The following BMPR1B variants were observed in gnomAD, a reference collection of about 807,000 sequenced individuals.
BMPR1B encodes bone morphogenetic protein receptor type 1B.
A neutral mutation model predicts 59.1 loss-of-function variants in BMPR1B; 12 were observed. That is an observed-to-expected ratio of 0.20 (90% CI 0.13 to 0.33). The LOEUF (loss-of-function observed/expected upper bound fraction) is 0.33, where lower values mean the gene tolerates loss of function less well. Among genes scored for constraint, BMPR1B ranks in the 10% least tolerant of loss-of-function variants. BMPR1B has a pLI of 1.00. For missense variants in BMPR1B, 550 were observed against 610.9 expected (o/e 0.90, Z 1.05); for synonymous variants, 237 against 207.3 (o/e 1.14, Z -1.23).
Position 95,104,393 on chromosome 4 carries a change from T to C in BMPR1B, c.-17-15T>C, listed in dbSNP as rs758376344. 8 of 1,612,486 alleles carry C rather than the reference T, an allele frequency of 5.0e-6. No homozygotes were observed. The Admixed American group carries it at 1.3e-4, about 27-fold the overall frequency. ...TACCCCACAGATGCCTAACTCTCAC[T>C]ATTTCTTCTTTCAGCAAACTTCCTT... On this transcript the variant is annotated splice_polypyrimidine_tract_variant and intron_variant, in intron 3 of 12. Transcript: ENST00000515059.
At chr4:94,853,745 C>T (rs562753212) in intron 1 of BMPR1B, among the ~76,000 whole-genome samples, 2 of 152,080 alleles carry the variant, frequency 1.3e-5, no homozygotes, top group African/African-American at 4.8e-5. Context: ...TCACACCTCA[C>T]CCTCCATTTC....
At chr4:94,840,960 T>G (rs13136125) in intron 1 of BMPR1B, among the ~76,000 whole-genome samples, 23,148 of 145,634 alleles carry the variant, frequency 0.16, 3,775 homozygotes, top group Non-Finnish European at 0.2. Context: ...GTCCTTTCTG[T>G]TTGTTAGTTT....
At chr4:95,145,866 C>G (rs928839088) in intron 10 of BMPR1B, among the ~76,000 whole-genome samples, 1 of 152,220 alleles carries the variant, frequency 6.6e-6, no homozygotes, top group Non-Finnish European at 1.5e-5. Flanking sequence ...CAACAAAATT[C>G]TATTTATCCT....
chr4:95,065,779 A>C (rs543766458), intron 3 of BMPR1B, among the ~76,000 whole-genome samples: 9 of 152,112 alleles, frequency 5.9e-5, no homozygotes, highest in African/African-American at 1.9e-4. Flanking sequence ...TATCTTCTAC[A>C]AGAAAATATG....
chr4:95,106,148 G>A (rs1731186423), intron 4 of BMPR1B, among the ~76,000 whole-genome samples: 2 of 151,966 alleles, frequency 1.3e-5, no homozygotes, highest in South Asian at 4.2e-4. Flanking sequence ...GTAGGATCAG[G>A]GAGTAGGAAC....
intron 3 of BMPR1B, among the ~76,000 whole-genome samples, chr4:95,064,565 T>G: frequency 6.6e-6 from 1 of 152,168 alleles, no homozygotes; most frequent in East Asian, 1.9e-4. Flanking sequence ...ACTGCTGTTT[T>G]AGAGCACGTC....
chr4:94,857,118 T>A (rs73836127), intron 1 of BMPR1B, among the ~76,000 whole-genome samples: 6,818 of 151,150 alleles, frequency 0.045, 365 homozygotes, highest in African/African-American at 0.13. Context: ...AAGAATGAGA[T>A]AAAAAAGTAT....
intron 1 of BMPR1B, among the ~76,000 whole-genome samples, chr4:94,802,507 G>C (rs552139977): frequency 7.2e-5 from 11 of 152,324 alleles, no homozygotes; most frequent in African/African-American, 2.6e-4. Flanking sequence ...GCGTTGTGGT[G>C]AATGTGGCAT....
At chr4:94,914,601 G>A (rs1003333738) in intron 2 of BMPR1B, among the ~76,000 whole-genome samples, 5 of 152,062 alleles carry the variant, frequency 3.3e-5, no homozygotes, top group Non-Finnish European at 4.4e-5. Flanking sequence ...TGAACTTAAG[G>A]TTCTAATGAA....
At chr4:95,078,966 C>G (rs541677780) in intron 3 of BMPR1B, among the ~76,000 whole-genome samples, 36 of 152,140 alleles carry the variant, frequency 2.4e-4, no homozygotes, top group Non-Finnish European at 4.1e-4. Context: ...ACCATGTTGC[C>G]CAGGATGGTC....
At chr4:94,811,720 A>G (rs1176360184) in intron 1 of BMPR1B, among the ~76,000 whole-genome samples, 9 of 152,164 alleles carry the variant, frequency 5.9e-5, no homozygotes, top group Admixed American at 5.9e-4. Context: ...CTCAAATGCC[A>G]GGGAGGGAAC....
At chr4:95,069,236 A>G (rs909021419) in intron 3 of BMPR1B, among the ~76,000 whole-genome samples, 1 of 152,108 alleles carries the variant, frequency 6.6e-6, no homozygotes, top group Non-Finnish European at 1.5e-5. Flanking sequence ...TATAACAACA[A>G]TCTCCTGACT....
intron 3 of BMPR1B, among the ~76,000 whole-genome samples, chr4:95,068,891 T>A (rs1367956056): frequency 6.6e-6 from 1 of 152,196 alleles, no homozygotes; most frequent in Non-Finnish European, 1.5e-5. Flanking sequence ...TCACTTAATG[T>A]TGTTGATAGG....
chr4:94,881,680 G>T, intron 2 of BMPR1B, among the ~76,000 whole-genome samples: 1 of 151,984 alleles, frequency 6.6e-6, no homozygotes, highest in South Asian at 2.1e-4. Context: ...TGGCCAGGCT[G>T]GTCTCGGACT....
intron 12 of BMPR1B, among the ~76,000 whole-genome samples, chr4:95,154,196 A>G (rs1735251759): frequency 6.6e-6 from 1 of 152,242 alleles, no homozygotes; most frequent in Non-Finnish European, 1.5e-5. Flanking sequence ...TTTGCATAGT[A>G]TGGAATTAGA....
At chr4:95,055,102 G>C (rs888889624) in intron 3 of BMPR1B, among the ~76,000 whole-genome samples, 1 of 152,092 alleles carries the variant, frequency 6.6e-6, no homozygotes, top group Admixed American at 6.6e-5. Flanking sequence ...TGTGAATACA[G>C]GAAAATCCTC....
At chr4:94,910,053 A>G (rs1281101751) in intron 2 of BMPR1B, among the ~76,000 whole-genome samples, 4 of 151,968 alleles carry the variant, frequency 2.6e-5, no homozygotes, top group African/African-American at 9.7e-5. Context: ...TCCAAAAAAA[A>G]CAAAAAAAAA....
At chr4:94,985,177 AC>A (rs1721319990) in intron 2 of BMPR1B, among the ~76,000 whole-genome samples, 1 of 151,944 alleles carries the variant, frequency 6.6e-6, no homozygotes, top group Non-Finnish European at 1.5e-5. Context: ...AGAAGTTTGA[AC>A]CCTCTGTTGC....
At chr4:95,143,484 T>G (rs1341740471) in intron 10 of BMPR1B, among the ~76,000 whole-genome samples, 1 of 152,126 alleles carries the variant, frequency 6.6e-6, no homozygotes, top group East Asian at 1.9e-4. Flanking sequence ...TTTGCTCCCC[T>G]TCCCTACCCT....
Sources: gnomAD v4.1 joint callset for allele counts (sites outside exome capture counted in the v4.1 genomes callset) on GRCh38, gnomAD v4.1.1 for gene constraint, MANE v1.5 for transcripts, NCBI Gene and HGNC (gene_info 2026-07-23, HGNC 2026-07-21) for gene names.